The following CNTN5 variants were observed in gnomAD, a reference collection of about 807,000 sequenced individuals.
The protein encoded by CNTN5 is contactin 5.
In CNTN5, 77 loss-of-function variants were observed where a neutral mutation model predicts 129.1. The observed-to-expected ratio is 0.60, with a 90% confidence interval of 0.50 to 0.72. CNTN5 has a LOEUF of 0.72. Among genes scored for constraint, CNTN5 ranks in the 30% least tolerant of loss-of-function variants. CNTN5 has a pLI of 0.00. For missense variants in CNTN5, 1,478 were observed against 1,328.8 expected (o/e 1.11, Z -1.75); for synonymous variants, 509 against 465.6 (o/e 1.09, Z -1.20).
intron 1 of CNTN5, among the ~76,000 whole-genome samples, chr11:99,211,178 C>A (rs376210846): frequency 6.6e-6 from 1 of 152,018 alleles, no homozygotes; most frequent in Non-Finnish European, 1.5e-5. Context: ...ATTTTTGTCT[C>A]AGTTTTCTAT....
chr11:99,133,637 A>T (rs978504299), intron 1 of CNTN5, among the ~76,000 whole-genome samples: 3 of 47,272 alleles, frequency 6.3e-5, no homozygotes, highest in African/African-American at 2.4e-4. Context: ...AAGACCATAC[A>T]TGCAGCTAAC....
intron 18 of CNTN5, among the ~76,000 whole-genome samples, chr11:100,290,767 T>G (rs1349699293): frequency 2.0e-5 from 3 of 149,932 alleles, no homozygotes; most frequent in East Asian, 2.0e-4. Flanking sequence ...GGGATCTAAT[T>G]AAACTAAAGA....
intron 13 of CNTN5, among the ~76,000 whole-genome samples, chr11:100,145,701 G>T (rs1002605267): frequency 6.6e-6 from 1 of 152,026 alleles, no homozygotes; most frequent in Non-Finnish European, 1.5e-5. Context: ...CTTGCTTTTG[G>T]CTACATGGCC....
At chr11:99,560,253 A>G (rs970581919) in intron 3 of CNTN5, among the ~76,000 whole-genome samples, 1 of 148,408 alleles carries the variant, frequency 6.7e-6, no homozygotes, top group Non-Finnish European at 1.5e-5. Context: ...GCAGAATATG[A>G]CAAAGAATCT....
chr11:100,129,657 G>A (rs989800873), intron 13 of CNTN5, among the ~76,000 whole-genome samples: 3 of 152,086 alleles, frequency 2.0e-5, no homozygotes, highest in East Asian at 1.9e-4. Flanking sequence ...AAATTGACCA[G>A]TATGAAATAT....
rs61042118 is a variant in CNTN5 at position 100,072,990 on chromosome 11, C to CAAAAAAAAAAAAAAAAA, written c.1430-1149_1430-1133dup. Among the ~76,000 whole-genome samples, 71 of 79,072 alleles carry CAAAAAAAAAAAAAAAAA rather than the reference C, an allele frequency of 9.0e-4. 10 individuals are homozygous for CAAAAAAAAAAAAAAAAA. The highest frequency in any genetic ancestry group is 4.1e-3 in the African/African-American group (67 of 16,520). 51.9% of individuals were successfully genotyped at this position (79,072 alleles called of 152,430 possible). A position where few individuals can be genotyped will look rare whatever the true frequency, so the allele number is the denominator to read the frequency against. On this transcript the variant is annotated intron_variant, in intron 12 of 24. Transcript: ENST00000524871. Reference sequence around the variant, plus strand: ...TTTTGTAAATTCTATTCCCAGGAGGCAAAAAAAAAAAAAAAAAAAAAGTTA... The same window carrying CAAAAAAAAAAAAAAAAA: ...TTTTGTAAATTCTATTCCCAGGAGGCAAAAAAAAAAAAAAAAAAAAAAAAAAAAAAAAAAAAAAGTTA...
chr11:99,357,275 C>T (rs1938743363), intron 2 of CNTN5, among the ~76,000 whole-genome samples: 3 of 151,934 alleles, frequency 2.0e-5, no homozygotes, highest in Admixed American at 2.0e-4. Flanking sequence ...TTCAATATTC[C>T]CCTAGTATTC....
intron 2 of CNTN5, among the ~76,000 whole-genome samples, chr11:99,551,954 C>G (rs1948499821): frequency 6.6e-6 from 1 of 150,466 alleles, no homozygotes; most frequent in South Asian, 2.1e-4. Flanking sequence ...ATCACCCAGG[C>G]TGGAGTGCAG....
chr11:100,340,568 T>G lies in CNTN5; in HGVS notation c.2836T>G (p.Tyr946Asp). The G allele has an allele frequency of 6.2e-7, 1 of 1,613,256 alleles. No homozygotes were observed. Among genetic ancestry groups the G allele is most frequent in the Non-Finnish European group, 8.5e-7 (1 of 1,179,436 alleles). Residue 946 changes from tyrosine (Y) to aspartate (D), a missense_variant, in exon 22 of 25, where the codon TAT becomes GAT. Tyr to Asp is a radical substitution (Grantham distance 160, BLOSUM62 -3). Coordinates refer to ENST00000524871, the MANE Select transcript of CNTN5 (RefSeq NM_014361.4). ...ILTGLEGNTL[Y>D]HFTVRAYNGA... ...AACAGGATTAGAAGGAAATACGTTATATCACTTCACAGTGAGGGCTTACAA... is the reference window on the plus strand; with the variant it reads ...AACAGGATTAGAAGGAAATACGTTAGATCACTTCACAGTGAGGGCTTACAA...
chr11:99,215,910 G>T (rs533791287), intron 1 of CNTN5, among the ~76,000 whole-genome samples: 1 of 152,090 alleles, frequency 6.6e-6, no homozygotes, highest in East Asian at 1.9e-4. Context: ...GTGCATAATG[G>T]TTGTATATAT....
In CNTN5 at chr11:100,074,269, G is replaced by A. The variant is rs1291871682; in HGVS notation, c.1555G>A (p.Asp519Asn). 6.2e-7 allele frequency: 1 copy of A among 1,607,408 alleles called. No homozygotes were observed. Among genetic ancestry groups the A allele is most frequent in the East Asian group, 2.2e-5 (1 of 44,636 alleles). ...PKPTISWKKG[D>N]RAVRENKRIA... ...ACCAACCATCTCTTGGAAGAAAGGAGACAGAGCAGTTAGAGAAAACAAAAG... is the reference window on the plus strand; with the variant it reads ...ACCAACCATCTCTTGGAAGAAAGGAAACAGAGCAGTTAGAGAAAACAAAAG... The change falls in exon 13 of 25, where the codon GAC becomes AAC. Residue 519 changes from aspartate (D) to asparagine (N), a missense_variant. Transcript: ENST00000524871.
At chr11:100,033,125 T>C (rs575881947) in intron 9 of CNTN5, among the ~76,000 whole-genome samples, 1 of 152,298 alleles carries the variant, frequency 6.6e-6, no homozygotes, top group South Asian at 2.1e-4. Flanking sequence ...TCTCCACTTT[T>C]GACAGAATAT....
At chr11:100,062,045 T>A (rs1351186859) in intron 10 of CNTN5, among the ~76,000 whole-genome samples, 1 of 152,204 alleles carries the variant, frequency 6.6e-6, no homozygotes, top group Admixed American at 6.5e-5. Flanking sequence ...TAGGAAAATC[T>A]CGTTCAAAAG....
At chr11:99,356,016 C>T (rs185247726) in intron 2 of CNTN5, among the ~76,000 whole-genome samples, 256 of 151,706 alleles carry the variant, frequency 1.7e-3, no homozygotes, top group Admixed American at 3.5e-3. Flanking sequence ...TTAGTAGAGA[C>T]GGGGTTTCAC....
At chr11:99,349,396 T>G (rs2136077821) in intron 2 of CNTN5, among the ~76,000 whole-genome samples, 1 of 152,336 alleles carries the variant, frequency 6.6e-6, no homozygotes. Context: ...TTAAGTGAAC[T>G]GCTGTTCAGC....
At chr11:99,497,444 T>G (rs192222168) in intron 2 of CNTN5, among the ~76,000 whole-genome samples, 1 of 152,042 alleles carries the variant, frequency 6.6e-6, no homozygotes, top group Non-Finnish European at 1.5e-5. Context: ...GTAACCCAGA[T>G]AGAAAATTCC....
At chr11:99,746,257 G>A (rs1944052773) in intron 3 of CNTN5, among the ~76,000 whole-genome samples, 1 of 152,128 alleles carries the variant, frequency 6.6e-6, no homozygotes, top group South Asian at 2.1e-4. Flanking sequence ...TTTGTATATA[G>A]TGTGAGACAC....
intron 1 of CNTN5, among the ~76,000 whole-genome samples, chr11:99,138,421 A>T (rs1859342930): frequency 1.3e-5 from 2 of 152,174 alleles, no homozygotes; most frequent in Admixed American, 1.3e-4. Flanking sequence ...GTGATTTTTA[A>T]AAATGGTATG....
At chr11:99,556,663 A>G (rs914227010) in intron 3 of CNTN5, among the ~76,000 whole-genome samples, 6 of 146,720 alleles carry the variant, frequency 4.1e-5, no homozygotes, top group East Asian at 2.0e-4. Flanking sequence ...ATAAATAATT[A>G]TGTATTTTAT....
Sources: allele counts gnomAD v4.1 joint callset (sites outside exome capture counted in the v4.1 genomes callset), GRCh38; gene constraint gnomAD v4.1.1; transcripts MANE v1.5; gene names NCBI Gene and HGNC (gene_info 2026-07-23, HGNC 2026-07-21).